Variants in BMP8A observed in about 807,000 individuals in gnomAD.
BMP8A encodes BMP-8A.
A neutral mutation model predicts 36.8 loss-of-function variants in BMP8A; 14 were observed. That is an observed-to-expected ratio of 0.38 (90% CI 0.25 to 0.60). The LOEUF (loss-of-function observed/expected upper bound fraction) is 0.60. Ranked by LOEUF, BMP8A falls within the 20% of genes least tolerant of loss-of-function variation. The pLI, the probability that BMP8A is intolerant of heterozygous loss-of-function variation, is 0.63. For missense variants in BMP8A, 267 were observed against 551.1 expected (o/e 0.48, Z 5.16); for synonymous variants, 120 against 237.7 (o/e 0.50, Z 4.55).
chr1:39,510,930 C>T (rs1364603482), intron 1 of BMP8A, among the ~76,000 whole-genome samples: 1 of 152,194 alleles, frequency 6.6e-6, no homozygotes, highest in Admixed American at 6.5e-5. Flanking sequence ...CTGGGGCCTG[C>T]TGAGCACCAG....
chr1:39,501,469 C>T (rs541573941), intron 1 of BMP8A, among the ~76,000 whole-genome samples: 4 of 152,326 alleles, frequency 2.6e-5, no homozygotes, highest in Admixed American at 1.3e-4. Flanking sequence ...ATCCTCCTAC[C>T]TCAGCCTCCT....
At chr1:39,515,725 C>T in intron 3 of BMP8A, 1 of 1,576,440 alleles carries the variant, frequency 6.3e-7, no homozygotes, top group South Asian at 1.1e-5. Flanking sequence ...ACGTTCCTAA[C>T]ATTTATGTAG....
intron 1 of BMP8A, among the ~76,000 whole-genome samples, chr1:39,494,352 CT>C (rs573186363): frequency 3.8e-3 from 445 of 118,040 alleles, no homozygotes; most frequent in Non-Finnish European, 4.2e-3. Context: ...TTTCTTTTTT[CT>C]TTTTTTTTTT....
chr1:39,503,934 C>G (rs961480195), intron 1 of BMP8A, among the ~76,000 whole-genome samples: 2 of 152,074 alleles, frequency 1.3e-5, no homozygotes, highest in African/African-American at 4.8e-5. Context: ...GAGTGAGACC[C>G]TGTCTCAAAA....
rs1338121844 is a variant in BMP8A at position 39,492,120 on chromosome 1, C to A, written c.129C>A (p.Asp43Glu). 5.8e-6 allele frequency: 7 copies of A among 1,210,264 alleles called. No individual in the cohort carries two copies. Among genetic ancestry groups the A allele is most frequent in the Non-Finnish European group, 7.2e-6 (7 of 976,478 alleles). The allele number at this position is 1,210,264 out of a possible 1,614,324, so 75.0% of individuals were successfully genotyped here. A position where few individuals can be genotyped will look rare whatever the true frequency, so the allele number is the denominator to read the frequency against. The change falls in exon 1 of 7, where the codon GAC becomes GAA. Residue 43 changes from aspartate (D) to glutamate (E), a missense_variant. Coordinates refer to ENST00000331593, the MANE Select transcript of BMP8A (RefSeq NM_181809.4). Reference protein sequence around the residue: ...QRRLGARERRDVQREILAVLG... With the variant: ...QRRLGARERREVQREILAVLG... ...GTCTGGGCGCGCGCGAGCGCCGGGACGTGCAGCGCGAGATCCTGGCGGTGC... is the reference window on the plus strand; with the variant it reads ...GTCTGGGCGCGCGCGAGCGCCGGGAAGTGCAGCGCGAGATCCTGGCGGTGC...
At chr1:39,525,260 A>AT (rs1645470917) in intron 6 of BMP8A, 2 of 200,364 alleles carry the variant, frequency 1.0e-5, no homozygotes, top group Non-Finnish European at 2.0e-5. Flanking sequence ...CTGAAGGGCT[A>AT]TAAGAAGACA....
chr1:39,509,279 TGGG>T (rs1256737359), intron 1 of BMP8A, among the ~76,000 whole-genome samples: 1 of 152,122 alleles, frequency 6.6e-6, no homozygotes, highest in Non-Finnish European at 1.5e-5. Context: ...GTCTTGCAAA[TGGG>T]GGATTCTTAC....
At position 39,491,931 on chromosome 1, in the gene BMP8A, TC is replaced by T; in HGVS notation, c.-57del. ...CAGCTCCCCGTTCGCCGTCGGGGCGTCCCCGGGCCCAGGGGCGGCGGCGGAG... is the reference window on the plus strand; with the variant it reads ...CAGCTCCCCGTTCGCCGTCGGGGCGTCCCGGGCCCAGGGGCGGCGGCGGAG... On this transcript the variant is annotated 5_prime_UTR_variant, in exon 1 of 7. Transcript: ENST00000331593. The T allele has an allele frequency of 1.9e-6, 2 of 1,051,470 alleles. No individual in the cohort carries two copies. Among genetic ancestry groups the T allele is most frequent in the Non-Finnish European group, 2.3e-6 (2 of 873,604 alleles). The allele number at this position is 1,051,470 out of a possible 1,614,324, so 65.1% of individuals were successfully genotyped here.
rs539281441 is a variant in BMP8A, at chr1:39,493,667, G to A, written c.334+1342G>A. Among the ~76,000 whole-genome samples the A allele has an allele frequency of 1.6e-3, 250 of 152,140 alleles. 1 individual carries two copies. Among genetic ancestry groups the A allele is most frequent in the African/African-American group, 5.2e-3 (217 of 41,534 alleles). ...CAGCAGAAGGCAGCCATTCACCATC[G>A]CTGAGCGCCCAGTGCCAGGGACAGG... On this transcript the variant is annotated intron_variant, in intron 1 of 6. Coordinates refer to ENST00000331593, the MANE Select transcript of BMP8A (RefSeq NM_181809.4).
chr1:39,522,507 T>C (rs769409750), intron 5 of BMP8A, 25 bp downstream of exon 5: 5 of 1,613,190 alleles, frequency 3.1e-6, no homozygotes, highest in African/African-American at 1.3e-5. Flanking sequence ...TCCTTGTTTC[T>C]GAAATGACAA....
In BMP8A at chr1:39,507,845, C is replaced by T. The variant is rs530756800; in HGVS notation, c.335-3329C>T. Among the ~76,000 whole-genome samples the T allele has an allele frequency of 5.3e-5, 8 of 152,288 alleles. No homozygotes were observed. The South Asian group carries it at 1.2e-3, about 24-fold the overall frequency. On this transcript the variant is annotated intron_variant, in intron 1 of 6. Coordinates refer to ENST00000331593, the MANE Select transcript of BMP8A (RefSeq NM_181809.4). The stretch of plus-strand genomic sequence containing the variant: ...CTGTTTCAAAGTGTTATTTTGCAGG[C>T]GTGGACACTGAGCCCAGAAGGTTAA...
chr1:39,502,781 C>T (rs551758404), intron 1 of BMP8A, among the ~76,000 whole-genome samples: 4 of 152,360 alleles, frequency 2.6e-5, no homozygotes, highest in Admixed American at 6.5e-5. Context: ...CAGTGGCTCA[C>T]GCCTGTAATC....
At chr1:39,502,926 G>C (rs1051046114) in intron 1 of BMP8A, among the ~76,000 whole-genome samples, 3 of 152,084 alleles carry the variant, frequency 2.0e-5, no homozygotes, top group African/African-American at 7.2e-5. Context: ...CACACCTGTA[G>C]TCCCAACTAC....
chr1:39,492,371 C>T, intron 1 of BMP8A, 46 bp downstream of exon 1: 2 of 1,473,150 alleles, frequency 1.4e-6, no homozygotes, highest in Non-Finnish European at 1.8e-6. Context: ...AAGCTGGCTG[C>T]AGGGGAGGGG....
At position 39,525,898 on chromosome 1, in the gene BMP8A, T is replaced by C. The variant is rs1009431735; in HGVS notation, c.*100T>C. The C allele has an allele frequency of 6.4e-7, 1 of 1,551,082 alleles. No homozygotes were observed. Among genetic ancestry groups the C allele is most frequent in the African/African-American group, 1.4e-5 (1 of 73,742 alleles). ...TGCTGTCACAGCTCAAGCAGGAGTG[T>C]CAGGGGCCCTCACTCTCGGTGCCTA... On this transcript the variant is annotated 3_prime_UTR_variant, in exon 7 of 7. Transcript: ENST00000331593.
At chr1:39,494,697 T>C (rs1645190264) in intron 1 of BMP8A, among the ~76,000 whole-genome samples, 1 of 152,148 alleles carries the variant, frequency 6.6e-6, no homozygotes, top group Non-Finnish European at 1.5e-5. Context: ...ATTTAATTCA[T>C]GTGAGACTGT....
chr1:39,500,962 G>A (rs868608830), intron 1 of BMP8A, among the ~76,000 whole-genome samples: 1 of 152,256 alleles, frequency 6.6e-6, no homozygotes, highest in Middle Eastern at 3.4e-3. Flanking sequence ...CCGAAAACAG[G>A]TTTATTTGGC....
At position 39,524,170 on chromosome 1, in the gene BMP8A, T is replaced by C. The variant is rs1300125933; in HGVS notation, c.1059+1053T>C. Among the ~76,000 whole-genome samples the C allele has an allele frequency of 1.3e-5, 2 of 152,192 alleles. No individual in the cohort carries two copies. The highest frequency in any genetic ancestry group is 6.5e-5 in the Admixed American group (1 of 15,280). ...GGTGATGAGGACGCGTGGGGTGGCC[T>C]GGCCCAGCCACCCTTTATGCCGTGT... On this transcript the variant is annotated intron_variant, in intron 6 of 6. Transcript: ENST00000331593. The surrounding 1 kb of genome is among the most constrained non-coding windows in gnomAD (Gnocchi z 4.0).
At chr1:39,492,520 G>C (rs904868625) in intron 1 of BMP8A, among the ~76,000 whole-genome samples, 195 bp downstream of exon 1, 4 of 152,198 alleles carry the variant, frequency 2.6e-5, no homozygotes, top group Non-Finnish European at 4.4e-5. Flanking sequence ...GGGTGGTCAG[G>C]AGCAGAGTGT....
Sources: gnomAD v4.1 joint callset for allele counts (sites outside exome capture counted in the v4.1 genomes callset) on GRCh38, gnomAD v4.1.1 for gene constraint, Gnocchi (gnomAD v3.1) non-coding constraint, MANE v1.5 for transcripts, NCBI Gene and HGNC (gene_info 2026-07-23, HGNC 2026-07-21) for gene names.